Variants in EPHA2 observed in about 807,000 individuals in gnomAD.
The protein encoded by EPHA2 is ephrin type-A receptor 2.
Under a neutral mutation model 104.9 loss-of-function variants are expected in EPHA2, and 54 were observed. That is an observed-to-expected ratio of 0.51 (90% CI 0.41 to 0.65). The LOEUF is 0.65. Ranked by LOEUF, EPHA2 falls within the 30% of genes least tolerant of loss-of-function variation. EPHA2 has a pLI of 0.00. For missense variants in EPHA2, 1,117 were observed against 1,369.5 expected, an observed-to-expected ratio of 0.82 and a Z score of 2.91; for synonymous variants, 560 against 559.1, an observed-to-expected ratio of 1.00 and a Z score of -0.02.
chr1:16,153,430 A>C, intron 1 of EPHA2: 1 of 615,392 alleles, frequency 1.6e-6, no homozygotes, highest in Non-Finnish European at 2.0e-6. Flanking sequence ...ACCAGAAACC[A>C]AGGACTTCCT....
chr1:16,126,721 T>G (rs1566146), intron 16 of EPHA2, among the ~76,000 whole-genome samples: 1 of 152,004 alleles, frequency 6.6e-6, no homozygotes, highest in East Asian at 1.9e-4. Context: ...TGACCCCAGA[T>G]TCACTCGATT....
At position 16,148,485 on chromosome 1, in the gene EPHA2, C is replaced by T; in HGVS notation, c.716G>A (p.Gly239Glu). The T allele has an allele frequency of 5.6e-6, 9 of 1,613,870 alleles. No homozygotes were observed. The highest frequency in any genetic ancestry group is 6.8e-6 in the Non-Finnish European group (8 of 1,180,028). ...ACAGTGCATACGGGGCTCTTCACCC[C>T]CCGGTGGCACCACGGCATGGTCCAC... ...TCVDHAVVPPGGEEPRMHCAV... is the reference protein window; with the variant it reads ...TCVDHAVVPPEGEEPRMHCAV... Residue 239 changes from glycine to glutamate, a missense_variant, in exon 3 of 17, where the codon GGG (glycine) becomes GAG (glutamate). By Grantham distance (98) the Gly-to-Glu change is moderately conservative. Transcript: ENST00000358432. The surrounding 1 kb of genome is among the most constrained non-coding windows in gnomAD (Gnocchi z 4.9).
rs1162196445 is a variant in EPHA2, at chr1:16,155,882, C to A, written c.51G>T (p.Ala17=). The A allele has an allele frequency of 1.4e-5, 20 of 1,472,510 alleles. No homozygotes were observed. The highest frequency in any genetic ancestry group is 1.7e-5 in the Non-Finnish European group (19 of 1,118,812). The allele number at this position is 1,472,510 out of a possible 1,614,324, so 91.2% of individuals were successfully genotyped here. ...RACFALLWGC[A]LAAAAAAQGK... is the part of the protein sequence containing the mutation. Reference sequence around the variant, plus strand: ...CCTGCGCCGCCGCGGCCGCGGCCAGCGCACAGCCCCACAGCAGGGCGAAGC... The same window carrying A: ...CCTGCGCCGCCGCGGCCGCGGCCAGAGCACAGCCCCACAGCAGGGCGAAGC... Residue 17 remains alanine (A), a synonymous_variant, in exon 1 of 17, where the codon GCG becomes GCT. Coordinates refer to ENST00000358432, the MANE Select transcript of EPHA2 (RefSeq NM_004431.5).
In EPHA2 at chr1:16,125,820, G is replaced by A. The variant is rs1377759285; in HGVS notation, c.2826-500C>T. Among the ~76,000 whole-genome samples the A allele has an allele frequency of 6.6e-6, 1 of 152,042 alleles. No homozygotes were observed. Among genetic ancestry groups the A allele is most frequent in the Admixed American group, 6.6e-5 (1 of 15,258 alleles). Reference sequence around the variant, plus strand: ...GCCCCCAGCTCAGGCCTCCTTCCCAGGAACTCTCTAGGGATGTCGCTCAAA... The same window carrying A: ...GCCCCCAGCTCAGGCCTCCTTCCCAAGAACTCTCTAGGGATGTCGCTCAAA... On this transcript the variant is annotated intron_variant, in intron 16 of 16. Coordinates refer to ENST00000358432, the MANE Select transcript of EPHA2 (RefSeq NM_004431.5). The surrounding 1 kb of genome is among the most constrained non-coding windows in gnomAD (Gnocchi z 4.9).
intron 8 of EPHA2, 58 bp from the exon 9 acceptor site, chr1:16,133,973 A>G: frequency 1.3e-6 from 2 of 1,531,352 alleles, no homozygotes; most frequent in East Asian, 2.5e-5. Context: ...TGCTCCGGCC[A>G]GGGAAGCCTC....
In EPHA2 at chr1:16,133,257, T is replaced by C. The variant is rs1254296518; in HGVS notation, c.1976A>G (p.Asp659Gly). 7 of 1,613,722 alleles carry C rather than the reference T, an allele frequency of 4.3e-6. No individual in the cohort carries two copies. The highest frequency in any genetic ancestry group is 5.9e-6 in the Non-Finnish European group (7 of 1,179,906). The change falls in exon 11 of 17, where the codon GAC becomes GGC. Residue 659 changes from aspartate to glycine, a missense_variant. Asp to Gly is a moderately conservative substitution (Grantham distance 94). This residue lies in a region of EPHA2 where 340 missense variants were observed against 480.5 expected (regional missense o/e 0.71). Transcript: ENST00000358432. ...CATGATGCCGGCCTCGCCGAGGAAG[T>C]CCACTCGCTGCTTCTCTGTGTAGCC... ...KAGYTEKQRV[D>G]FLGEAGIMGQ...
chr1:16,149,092 AAC>A (rs2024990598), intron 2 of EPHA2, 45 bp from the exon 3 acceptor site: 5 of 1,599,564 alleles, frequency 3.1e-6, no homozygotes, highest in Non-Finnish European at 4.3e-6. Flanking sequence ...TGCCTGGGGA[AAC>A]TGAGGCCCAG....
At chr1:16,147,310 C>T (rs1294632907) in intron 3 of EPHA2, among the ~76,000 whole-genome samples, 1 of 152,136 alleles carries the variant, frequency 6.6e-6, no homozygotes, top group Non-Finnish European at 1.5e-5. Flanking sequence ...GCCCTGGGGA[C>T]ATTCAGACAA....
At chr1:16,153,516 G>A (rs2025085830) in intron 1 of EPHA2, among the ~76,000 whole-genome samples, 2 of 152,190 alleles carry the variant, frequency 1.3e-5, no homozygotes, top group African/African-American at 4.8e-5. Context: ...CCCCTGCCCA[G>A]CTATGCCTGC....
chr1:16,135,734 G>T lies in EPHA2; in HGVS notation c.1349C>A (p.Thr450Asn). 1 of 1,613,484 alleles carries T rather than the reference G, an allele frequency of 6.2e-7. No homozygotes were observed. Among genetic ancestry groups the T allele is most frequent in the South Asian group, 1.1e-5 (1 of 91,060 alleles). ...GATGCTCCAGGAGACGCTAAGCGAG[G>T]TGGTGCTGCGGCCCTCCAGCCTCAC... The part of the protein sequence containing the change: ...PKVRLEGRST[T>N]SLSVSWSIPP... The change falls in exon 6 of 17, where the codon ACC (threonine) becomes AAC (asparagine). Residue 450 changes from threonine to asparagine, a missense_variant. By Grantham distance (65) the Thr-to-Asn change is moderately conservative (BLOSUM62 0). Coordinates refer to ENST00000358432, the MANE Select transcript of EPHA2 (RefSeq NM_004431.5). This position sits in a 1 kb window ranked among gnomAD's most constrained non-coding sequence, Gnocchi z 4.3.
At chr1:16,141,839 C>A (rs1316941777) in intron 3 of EPHA2, among the ~76,000 whole-genome samples, 1 of 152,236 alleles carries the variant, frequency 6.6e-6, no homozygotes, top group Non-Finnish European at 1.5e-5. Context: ...GATAATACAG[C>A]AGAGAGGCAG....
At chr1:16,154,851 T>C (rs957167989) in intron 1 of EPHA2, among the ~76,000 whole-genome samples, 1 of 151,576 alleles carries the variant, frequency 6.6e-6, no homozygotes, top group Non-Finnish European at 1.5e-5. Context: ...AACCTCGCTC[T>C]GCCCAGGCAG....
chr1:16,134,386 T>C lies in EPHA2; in HGVS notation c.1682+82A>G, dbSNP rs2024640740. 1 of 1,398,912 alleles carries C rather than the reference T, an allele frequency of 7.1e-7. No individual in the cohort carries two copies. Among genetic ancestry groups the C allele is most frequent in the East Asian group, 2.4e-5 (1 of 42,086 alleles). The allele number at this position is 1,398,912 out of a possible 1,614,324, so 86.7% of individuals were successfully genotyped here. On this transcript the variant is annotated intron_variant, in intron 8 of 16. Transcript: ENST00000358432. The surrounding 1 kb of genome is among the most constrained non-coding windows in gnomAD (Gnocchi z 4.5). ...CTCGACTAGCATCCTGTGGGCCCCATCGTTCAGATGAGGAAATGGAGGTTC... is the reference window on the plus strand; with the variant it reads ...CTCGACTAGCATCCTGTGGGCCCCACCGTTCAGATGAGGAAATGGAGGTTC...
chr1:16,134,003 A>G lies in EPHA2; in HGVS notation c.1683-88T>C. On this transcript the variant is annotated intron_variant, in intron 8 of 16. Transcript: ENST00000358432. This position sits in a 1 kb window ranked among gnomAD's most constrained non-coding sequence, Gnocchi z 4.5. ...AGCCTCCTGGCCCTACTTTGGTCCT[A>G]GGAGGACCTGGGGTGCTCAGAATGC... The G allele has an allele frequency of 7.3e-7, 1 of 1,378,898 alleles. No individual in the cohort carries two copies. The highest frequency in any genetic ancestry group is 9.9e-7 in the Non-Finnish European group (1 of 1,008,802). 85.4% of individuals were successfully genotyped at this position (1,378,898 alleles called of 1,614,324 possible). A position where few individuals can be genotyped will look rare whatever the true frequency, so the allele number is the denominator to read the frequency against.
intron 3 of EPHA2, among the ~76,000 whole-genome samples, chr1:16,144,522 G>A (rs1252217993): frequency 6.6e-6 from 1 of 152,208 alleles, no homozygotes; most frequent in Non-Finnish European, 1.5e-5. Flanking sequence ...CTCCCTGTCA[G>A]CTATGGACTT....
At position 16,134,841 on chromosome 1, in the gene EPHA2, C is replaced by T. The variant is rs7552165; in HGVS notation, c.1582+195G>A. The stretch of plus-strand genomic sequence containing the variant: ...ACACCACTGTCGTGAATCCACATCC[C>T]GGCTCCTCCACCCCTCAGCCTTCCA... On this transcript the variant is annotated intron_variant, in intron 7 of 16. Transcript: ENST00000358432. This position sits in a 1 kb window ranked among gnomAD's most constrained non-coding sequence, Gnocchi z 4.5. Among the ~76,000 whole-genome samples, 2,336 of 152,346 alleles carry T rather than the reference C, an allele frequency of 0.015. 33 individuals are homozygous for T. The highest frequency in any genetic ancestry group is 0.031 in the South Asian group (148 of 4,832).
rs756349981 is a variant in EPHA2, at chr1:16,135,555, G to A, written c.1428+100C>T. 8.7e-7 allele frequency: 1 copy of A among 1,152,632 alleles called. No individual in the cohort carries two copies. Among genetic ancestry groups the A allele is most frequent in the African/African-American group, 1.5e-5 (1 of 66,136 alleles). 71.4% of individuals were successfully genotyped at this position (1,152,632 alleles called of 1,614,324 possible). On this transcript the variant is annotated intron_variant, in intron 6 of 16. Transcript: ENST00000358432. The surrounding 1 kb of genome is among the most constrained non-coding windows in gnomAD (Gnocchi z 4.3). ...TCAGTTTCCCCATCTGCAGAAGGGT[G>A]CTTCTTCAGATGGCTGGGTGGTTTG...
rs115171763 is a variant in EPHA2 at position 16,135,132 on chromosome 1, C to G, written c.1486G>C (p.Asp496His). 1.2e-6 allele frequency: 2 copies of G among 1,614,050 alleles called. No homozygotes were observed. Among genetic ancestry groups the G allele is most frequent in the African/African-American group, 1.3e-5 (1 of 75,052 alleles). The change falls in exon 7 of 17, where the codon GAC (aspartate) becomes CAC (histidine). Residue 496 changes from aspartate (D) to histidine (H), a missense_variant. This residue lies in a region of EPHA2 where 664 missense variants were observed against 784.8 expected (regional missense o/e 0.85). Transcript: ENST00000358432. This position sits in a 1 kb window ranked among gnomAD's most constrained non-coding sequence, Gnocchi z 4.3. ...RTEGFSVTLDDLAPDTTYLVQ... is the reference protein window; with the variant it reads ...RTEGFSVTLDHLAPDTTYLVQ... ...AGGTAGGTGGTGTCTGGGGCCAGGT[C>G]GTCCAGGGTCACGGAGAAACCCTCG...
At chr1:16,144,441 C>G (rs936830864) in intron 3 of EPHA2, among the ~76,000 whole-genome samples, 5 of 152,186 alleles carry the variant, frequency 3.3e-5, no homozygotes, top group African/African-American at 1.2e-4. Context: ...TGCCAGCAGC[C>G]CCTGCCATGG....
Sources: gnomAD v4.1 joint callset for allele counts (sites outside exome capture counted in the v4.1 genomes callset) on GRCh38, gnomAD v4.1.1 for gene constraint, gnomAD v4.1.1 regional missense constraint, Gnocchi (gnomAD v3.1) non-coding constraint, MANE v1.5 for transcripts, NCBI Gene and HGNC (gene_info 2026-07-23, HGNC 2026-07-21) for gene names.